DZIP3: variants seen among roughly 807,000 people sequenced by gnomAD.
DZIP3 encodes the protein DAZ interacting zinc finger protein 3.
Under a neutral mutation model 162.0 loss-of-function variants are expected in DZIP3, and 118 were observed. The ratio of observed to expected loss-of-function variants is 0.73; its 90% confidence interval spans 0.63 to 0.85. The LOEUF (loss-of-function observed/expected upper bound fraction) is 0.85. DZIP3 is among the 40% of genes least tolerant of loss of function. DZIP3 has a pLI of 0.00. For synonymous variants in DZIP3, 438 were observed against 458.6 expected, an observed-to-expected ratio of 0.96 and a Z score of 0.57; for missense variants, 1,331 against 1,407.0, an observed-to-expected ratio of 0.95 and a Z score of 0.86.
At chr3:108,605,507 T>G (rs1407121789) in intron 2 of DZIP3, 69 bp downstream of exon 2, 68 of 1,510,414 alleles carry the variant, frequency 4.5e-5, no homozygotes, top group Non-Finnish European at 6.0e-5. Flanking sequence ...TTTCCACGGA[T>G]GGTGGGGGTG....
chr3:108,643,137 C>T (rs1375573973), intron 13 of DZIP3, among the ~76,000 whole-genome samples: 7 of 152,132 alleles, frequency 4.6e-5, no homozygotes, highest in Non-Finnish European at 7.4e-5. Context: ...TAATAAATCT[C>T]TTGAAACATA....
chr3:108,624,539 A>G lies in DZIP3; in HGVS notation c.456+15A>G, dbSNP rs1941508659. ...GAAAGAAAGAGGTATGTAACATGTT[A>G]TTTGCCCTTTATAAATCTTTTTACA... On this transcript the variant is annotated intron_variant, in intron 6 of 32. Transcript: ENST00000361582. The G allele has an allele frequency of 7.0e-7, 1 of 1,428,162 alleles. No individual in the cohort carries two copies. The highest frequency in any genetic ancestry group is 9.6e-7 in the Non-Finnish European group (1 of 1,038,838). The allele number at this position is 1,428,162 out of a possible 1,614,324, so 88.5% of individuals were successfully genotyped here. A position where few individuals can be genotyped will look rare whatever the true frequency, so the allele number is the denominator to read the frequency against.
intron 17 of DZIP3, among the ~76,000 whole-genome samples, chr3:108,649,769 C>T (rs973291595): frequency 1.3e-5 from 2 of 151,594 alleles, no homozygotes; most frequent in Non-Finnish European, 3.0e-5. Flanking sequence ...ATTTGTAAAA[C>T]ACGAAGTCAA....
intron 7 of DZIP3, among the ~76,000 whole-genome samples, chr3:108,626,748 A>G (rs1941608980): frequency 6.6e-6 from 1 of 152,208 alleles, no homozygotes; most frequent in Non-Finnish European, 1.5e-5. Context: ...AATCAGTCAT[A>G]AAATATTTAT....
intron 5 of DZIP3, among the ~76,000 whole-genome samples, chr3:108,623,022 G>A (rs1219375825): frequency 3.3e-5 from 5 of 151,486 alleles, no homozygotes; most frequent in Non-Finnish European, 7.4e-5. Context: ...CTATGGTGAC[G>A]ACTGCCTTGC....
At position 108,684,367 on chromosome 3, in the gene DZIP3, T is replaced by C. The variant is rs575277174; in HGVS notation, c.3009+26T>C. On this transcript the variant is annotated intron_variant, in intron 27 of 32. Transcript: ENST00000361582. ...GTAAAAGCTTTCTTGGTGGAATAGA[T>C]GTTAATTAGTTTTTTTATTACTCTA... is the stretch of plus-strand genomic sequence containing the variant. 45 of 1,596,522 alleles carry C rather than the reference T, an allele frequency of 2.8e-5. No individual in the cohort carries two copies. The Admixed American group carries it at 4.0e-4, about 14-fold the overall frequency.
chr3:108,690,631 G>C (rs932001410), intron 31 of DZIP3, among the ~76,000 whole-genome samples, 156 bp from the exon 32 acceptor site: 4 of 152,170 alleles, frequency 2.6e-5, no homozygotes, highest in African/African-American at 9.7e-5. Context: ...CCACAGGGAA[G>C]GTGCCATGGT....
intron 22 of DZIP3, among the ~76,000 whole-genome samples, chr3:108,671,081 C>T (rs1943910614): frequency 6.6e-6 from 1 of 151,802 alleles, no homozygotes; most frequent in African/African-American, 2.4e-5. Flanking sequence ...GTTGCCTTTT[C>T]ATTTTCTTAA....
At chr3:108,603,888 G>C (rs770205706) in intron 1 of DZIP3, among the ~76,000 whole-genome samples, 11 of 152,052 alleles carry the variant, frequency 7.2e-5, no homozygotes, top group African/African-American at 2.4e-4. Flanking sequence ...CCCCTCCCTT[G>C]ATCTAAGCTT....
At chr3:108,630,269 T>C (rs999614019) in intron 8 of DZIP3, among the ~76,000 whole-genome samples, 10 of 152,100 alleles carry the variant, frequency 6.6e-5, no homozygotes, top group African/African-American at 2.2e-4. Context: ...GAATGACATA[T>C]CTTTTTCAAA....
chr3:108,651,178 T>A lies in DZIP3; in HGVS notation c.2033+16T>A. On this transcript the variant is annotated intron_variant, in intron 18 of 32. Coordinates refer to ENST00000361582, the MANE Select transcript of DZIP3 (RefSeq NM_014648.4). ...AAGACCAAGTGTAAGTATTAGTTTA[T>A]TTAATTTTTAAATTTTTCTTAGTAT... 1 of 721,572 alleles carries A rather than the reference T, an allele frequency of 1.4e-6. No individual in the cohort carries two copies. Among genetic ancestry groups the A allele is most frequent in the Non-Finnish European group, 1.9e-6 (1 of 521,278 alleles). The allele number at this position is 721,572 out of a possible 1,614,324, so 44.7% of individuals were successfully genotyped here. A position where few individuals can be genotyped will look rare whatever the true frequency, so the allele number is the denominator to read the frequency against.
intron 32 of DZIP3, among the ~76,000 whole-genome samples, chr3:108,691,793 G>C (rs552342029): frequency 8.5e-5 from 13 of 152,238 alleles, no homozygotes; most frequent in Admixed American, 7.2e-4. Flanking sequence ...CCATGAAGAA[G>C]ACAGAAAGAC....
intron 10 of DZIP3, 32 bp downstream of exon 10, chr3:108,635,004 A>G: frequency 6.1e-6 from 8 of 1,316,834 alleles, no homozygotes; most frequent in Non-Finnish European, 8.6e-6. Context: ...CTACAACAGC[A>G]TTTCTTCCTC....
At chr3:108,638,772 T>C (rs187040837) in intron 12 of DZIP3, among the ~76,000 whole-genome samples, 1 of 152,348 alleles carries the variant, frequency 6.6e-6, no homozygotes, top group Admixed American at 6.5e-5. Context: ...GTTGTTTTCT[T>C]AACCATCAAT....
rs1941960016 is a variant in DZIP3 at position 108,633,036 on chromosome 3, T to C, written c.780T>C (p.Ser260=). 1 of 1,488,910 alleles carries C rather than the reference T, an allele frequency of 6.7e-7. No individual in the cohort carries two copies. Among genetic ancestry groups the C allele is most frequent in the Non-Finnish European group, 9.0e-7 (1 of 1,115,704 alleles). The allele number at this position is 1,488,910 out of a possible 1,614,324, so 92.2% of individuals were successfully genotyped here. Residue 260 remains serine, a synonymous_variant, in exon 9 of 33, where the codon TCT becomes TCC. Coordinates refer to ENST00000361582, the MANE Select transcript of DZIP3 (RefSeq NM_014648.4). The part of the protein sequence containing the change: ...TICSYLDCER[S]CEADILKNTS... ...GTAGTTACCTAGATTGTGAACGATC[T>C]TGTGAAGCTGACATTTTGAAGAACA...
intron 26 of DZIP3, among the ~76,000 whole-genome samples, chr3:108,679,708 T>TG (rs1226777481): frequency 6.6e-6 from 1 of 152,090 alleles, no homozygotes; most frequent in East Asian, 1.9e-4. Flanking sequence ...ATGTTGATCT[T>TG]GGGAAAAATC....
chr3:108,644,028 G>A lies in DZIP3; in HGVS notation c.1142-136G>A, dbSNP rs551510191. ...GCAGCATGCTAATTGAGCACTGGCT[G>A]TGGCAAAGCACTGTACTATCCTTCA... On this transcript the variant is annotated intron_variant, in intron 13 of 32. Coordinates refer to ENST00000361582, the MANE Select transcript of DZIP3 (RefSeq NM_014648.4). 18 of 1,075,062 alleles carry A rather than the reference G, an allele frequency of 1.7e-5. No individual in the cohort carries two copies. In the Admixed American group the frequency reaches 3.7e-4, roughly 22 times the overall value. The allele number at this position is 1,075,062 out of a possible 1,614,324, so 66.6% of individuals were successfully genotyped here.
chr3:108,636,863 T>C (rs1423585376), intron 11 of DZIP3, among the ~76,000 whole-genome samples, 155 bp downstream of exon 11: 1 of 151,880 alleles, frequency 6.6e-6, no homozygotes, highest in African/African-American at 2.4e-5. Flanking sequence ...ATTACCATGA[T>C]TTATACAAAG....
At chr3:108,622,997 G>C (rs1272517044) in intron 5 of DZIP3, among the ~76,000 whole-genome samples, 10 of 151,256 alleles carry the variant, frequency 6.6e-5, no homozygotes, top group African/African-American at 2.4e-4. Context: ...CCCAGTACTG[G>C]TTCTTGCTCA....
Sources: gnomAD v4.1 joint callset for allele counts (sites outside exome capture counted in the v4.1 genomes callset) on GRCh38, gnomAD v4.1.1 for gene constraint, MANE v1.5 for transcripts, NCBI Gene and HGNC (gene_info 2026-07-23, HGNC 2026-07-21) for gene names.